RNF149: variants seen among roughly 807,000 people sequenced by gnomAD.
RNF149 encodes the protein E3 ubiquitin-protein ligase RNF149.
In RNF149, 21 loss-of-function variants were observed where a neutral mutation model predicts 39.0. The ratio of observed to expected loss-of-function variants is 0.54; its 90% CI spans 0.38 to 0.77. RNF149 has a LOEUF of 0.77. Ranked by LOEUF, RNF149 falls within the 30% of genes least tolerant of loss-of-function variation. The probability of loss-of-function intolerance (pLI) is 0.00; values close to 1 mark genes in which losing one functional copy is unlikely to be tolerated. For missense variants in RNF149, 493 were observed against 534.9 expected, an observed-to-expected ratio of 0.92 and a Z score of 0.77; for synonymous variants, 209 against 213.6, an observed-to-expected ratio of 0.98 and a Z score of 0.19.
chr2:101,279,856 T>A (rs1050164040), intron 6 of RNF149, among the ~76,000 whole-genome samples: 1 of 152,198 alleles, frequency 6.6e-6, no homozygotes, highest in African/African-American at 2.4e-5. Context: ...AAAATATGCT[T>A]CCTCTTCTAG....
chr2:101,285,048 T>C (rs1202259313), intron 5 of RNF149, among the ~76,000 whole-genome samples: 2 of 151,982 alleles, frequency 1.3e-5, no homozygotes, highest in East Asian at 1.9e-4. Flanking sequence ...GAGCGTGCCA[T>C]CATATCCGGC....
At chr2:101,295,533 C>T (rs1042881341) in intron 1 of RNF149, among the ~76,000 whole-genome samples, 14 of 151,700 alleles carry the variant, frequency 9.2e-5, no homozygotes, top group African/African-American at 2.7e-4. Context: ...TGGTGGTGTG[C>T]GCCTGTAATC....
At chr2:101,293,737 C>A (rs1258255600) in intron 3 of RNF149, among the ~76,000 whole-genome samples, 2 of 152,160 alleles carry the variant, frequency 1.3e-5, no homozygotes, top group Admixed American at 6.6e-5. Flanking sequence ...GTACCACTTT[C>A]GTCACTGCTG....
At position 101,303,423 on chromosome 2, in the gene RNF149, G is replaced by A. The variant is rs562414608; in HGVS notation, c.460+4706C>T. On this transcript the variant is annotated intron_variant, in intron 1 of 6. Coordinates refer to ENST00000295317, the MANE Select transcript of RNF149 (RefSeq NM_173647.4). ...ATTACAGGTGTGAGCTACTGCGCCC[G>A]ACCCCAAAATACATTTTAAATTCAA... is the stretch of plus-strand genomic sequence containing the variant. 1.3e-4 allele frequency among the ~76,000 whole-genome samples: 20 copies of A among 151,972 alleles called. No individual in the cohort carries two copies. In the South Asian group the frequency reaches 2.1e-3, roughly 16 times the overall value.
At chr2:101,273,035 T>C (rs1252435621), downstream of RNF149, 1 of 1,353,876 alleles carries the variant, frequency 7.4e-7, no homozygotes, top group South Asian at 1.1e-5. Flanking sequence ...CCTTTTCTTG[T>C]CATCATTCCT....
chr2:101,276,230 G>C lies in RNF149; in HGVS notation c.*1008C>G. 6 of 985,272 alleles carry C rather than the reference G, an allele frequency of 6.1e-6. No individual in the cohort carries two copies. The highest frequency in any genetic ancestry group is 7.2e-6 in the Non-Finnish European group (6 of 829,830). The allele number at this position is 985,272 out of a possible 1,614,324, so 61.0% of individuals were successfully genotyped here. ...ACCTCCAAGAAGTGAAAAAATAGCA[G>C]AGTGTGTGTTTAATCACTTTTTAAC... On this transcript the variant is annotated 3_prime_UTR_variant, in exon 7 of 7. Transcript: ENST00000295317.
chr2:101,275,631 C>T lies in RNF149; in HGVS notation c.*1607G>A, dbSNP rs542514158. On this transcript the variant is annotated 3_prime_UTR_variant, in exon 7 of 7. Coordinates refer to ENST00000295317, the MANE Select transcript of RNF149 (RefSeq NM_173647.4). ...TAATTTTTTGTATTTTTAGTAGAGACGGGGTTTCACCGTTTTAGCCGGGAT... is the reference window on the plus strand; with the variant it reads ...TAATTTTTTGTATTTTTAGTAGAGATGGGGTTTCACCGTTTTAGCCGGGAT... The T allele has an allele frequency of 7.0e-5, 11 of 157,830 alleles. No homozygotes were observed. The highest frequency in any genetic ancestry group is 2.1e-4 in the South Asian group (1 of 4,822). 9.8% of individuals were successfully genotyped at this position (157,830 alleles called of 1,614,324 possible). A position where few individuals can be genotyped will look rare whatever the true frequency, so the allele number is the denominator to read the frequency against.
intron 1 of RNF149, among the ~76,000 whole-genome samples, chr2:101,295,648 G>A (rs1305620495): frequency 2.1e-5 from 3 of 142,360 alleles, no homozygotes; most frequent in Non-Finnish European, 4.6e-5. Context: ...GCGACAGTGC[G>A]AGACCCCATC....
At chr2:101,292,229 G>A (rs1317651814) in intron 3 of RNF149, among the ~76,000 whole-genome samples, 1 of 152,090 alleles carries the variant, frequency 6.6e-6, no homozygotes, top group Non-Finnish European at 1.5e-5. Context: ...GAAGGTGGGG[G>A]CCATCTGTAT....
chr2:101,302,479 C>CA (rs1230360113), intron 1 of RNF149, among the ~76,000 whole-genome samples: 2 of 152,104 alleles, frequency 1.3e-5, no homozygotes, highest in African/African-American at 4.8e-5. Flanking sequence ...ATGTTTTGGA[C>CA]AATTTGTCTT....
At position 101,276,981 on chromosome 2, in the gene RNF149, G is replaced by C; in HGVS notation, c.*257C>G. 8.4e-7 allele frequency: 1 copy of C among 1,194,698 alleles called. No individual in the cohort carries two copies. Among genetic ancestry groups the C allele is most frequent in the Non-Finnish European group, 1.0e-6 (1 of 953,372 alleles). 74.0% of individuals were successfully genotyped at this position (1,194,698 alleles called of 1,614,324 possible). On this transcript the variant is annotated 3_prime_UTR_variant, in exon 7 of 7. Transcript: ENST00000295317. ...CCTTTATATTAGAGTACCTGCCCCAGTTGTCTTTGTAATAGTCTGAAGCAA... is the reference window on the plus strand; with the variant it reads ...CCTTTATATTAGAGTACCTGCCCCACTTGTCTTTGTAATAGTCTGAAGCAA...
chr2:101,308,323 C>G lies in RNF149; in HGVS notation c.266G>C (p.Gly89Ala). Residue 89 changes from glycine to alanine, a missense_variant, in exon 1 of 7, where the codon GGC (glycine) becomes GCC (alanine). Transcript: ENST00000295317. ...VPWAPGGDLE[G>A]CAPDTRFFVP... ...GAAGAAGCGCGTGTCGGGCGCGCAG[C>G]CCTCGAGGTCTCCGCCGGGCGCCCA... 6.3e-7 allele frequency: 1 copy of G among 1,592,036 alleles called. No individual in the cohort carries two copies. The highest frequency in any genetic ancestry group is 8.5e-7 in the Non-Finnish European group (1 of 1,172,288).
Position 101,289,034 on chromosome 2 carries a change from T to C in RNF149, c.802A>G (p.Asn268Asp). 6.3e-7 allele frequency: 1 copy of C among 1,593,210 alleles called. No individual in the cohort carries two copies. Among genetic ancestry groups the C allele is most frequent in the South Asian group, 1.1e-5 (1 of 90,050 alleles). ...AAATTTTCAATACACACTGCACAAT[T>C]TTCAGCATCAACATCAATTCCCTGT... is the stretch of plus-strand genomic sequence containing the variant. ...GEKGIDVDAE[N>D]CAVCIENFKV... The change falls in exon 4 of 7, where the codon AAT becomes GAT. Residue 268 changes from asparagine to aspartate, a missense_variant. Transcript: ENST00000295317.
chr2:101,299,725 G>A lies in RNF149; in HGVS notation c.461-4544C>T, dbSNP rs186220676. ...AATCAATTTCTGGTACTGATACCAC[G>A]TTCTTTGTGTGGTAATGGGGAAGAA... On this transcript the variant is annotated intron_variant, in intron 1 of 6. Transcript: ENST00000295317. 1.8e-4 allele frequency among the ~76,000 whole-genome samples: 27 copies of A among 152,274 alleles called. 1 individual carries two copies. Among genetic ancestry groups the A allele is most frequent in the Middle Eastern group, 3.4e-3 (1 of 294 alleles).
chr2:101,286,786 G>C (rs976907160), intron 4 of RNF149, among the ~76,000 whole-genome samples: 1 of 152,188 alleles, frequency 6.6e-6, no homozygotes, highest in African/African-American at 2.4e-5. Context: ...TGAAGAAAAG[G>C]AGTTACCAGT....
chr2:101,291,313 G>T (rs1265707463), intron 3 of RNF149, among the ~76,000 whole-genome samples: 1 of 152,096 alleles, frequency 6.6e-6, no homozygotes, highest in Non-Finnish European at 1.5e-5. Context: ...ACCATGCCCA[G>T]CTAATTTTTG....
intron 1 of RNF149, among the ~76,000 whole-genome samples, chr2:101,306,750 C>A (rs752373444): frequency 2.0e-5 from 3 of 152,208 alleles, no homozygotes; most frequent in Non-Finnish European, 4.4e-5. Flanking sequence ...TCCTAACAGT[C>A]CTTACTTCTT....
At chr2:101,296,150 AT>A (rs1334194081) in intron 1 of RNF149, among the ~76,000 whole-genome samples, 3 of 152,146 alleles carry the variant, frequency 2.0e-5, no homozygotes, top group Non-Finnish European at 4.4e-5. Context: ...ATACAGACCA[AT>A]TCCACTTATG....
intron 1 of RNF149, among the ~76,000 whole-genome samples, chr2:101,305,518 T>C (rs1335933724): frequency 6.6e-6 from 1 of 152,222 alleles, no homozygotes; most frequent in Non-Finnish European, 1.5e-5. Flanking sequence ...TAATCAGTGC[T>C]TCAAAATGTT....
Sources: allele counts gnomAD v4.1 joint callset (sites outside exome capture counted in the v4.1 genomes callset), GRCh38; gene constraint gnomAD v4.1.1; transcripts MANE v1.5; gene names NCBI Gene and HGNC (gene_info 2026-07-23, HGNC 2026-07-21).